Variants in FBXO28 observed in about 807,000 individuals in gnomAD.
FBXO28 encodes the protein F-box protein 28.
A neutral mutation model predicts 38.1 loss-of-function variants in FBXO28; 8 were observed. The observed-to-expected ratio is 0.21, with a 90% CI of 0.12 to 0.38. The LOEUF (loss-of-function observed/expected upper bound fraction) is 0.38, where lower values mean the gene tolerates loss of function less well. Among genes scored for constraint, FBXO28 ranks in the 10% least tolerant of loss-of-function variants. The pLI is 1.00. For missense variants in FBXO28, 345 were observed against 460.6 expected, an observed-to-expected ratio of 0.75 and a Z score of 2.30; for synonymous variants, 168 against 173.8, an observed-to-expected ratio of 0.97 and a Z score of 0.26.
At chr1:224,127,573 A>G (rs1246153553) in intron 1 of FBXO28, among the ~76,000 whole-genome samples, 1 of 152,156 alleles carries the variant, frequency 6.6e-6, no homozygotes, top group Non-Finnish European at 1.5e-5. Flanking sequence ...ACAAATACTG[A>G]TAACTGGTTT....
At chr1:224,152,925 C>CAAAAAAAAAAAAAAAAAAAAAAAAAAA (rs57616453) in intron 3 of FBXO28, among the ~76,000 whole-genome samples, 1 of 64,890 alleles carries the variant, frequency 1.5e-5, no homozygotes, top group African/African-American at 6.5e-5. Context: ...AACTCTGTCT[C>CAAAAAAAAAAAAAAAAAAAAAAAAAAA]AAAAAAAAAA....
chr1:224,144,705 C>T (rs964056032), intron 3 of FBXO28, among the ~76,000 whole-genome samples: 3 of 147,946 alleles, frequency 2.0e-5, no homozygotes, highest in South Asian at 2.2e-4. Context: ...TGCAGTGAGC[C>T]GAGATCGTGC....
intron 3 of FBXO28, among the ~76,000 whole-genome samples, chr1:224,151,593 TC>T (rs1397374721): frequency 6.6e-6 from 1 of 152,172 alleles, no homozygotes; most frequent in Middle Eastern, 3.2e-3. Context: ...ATAAGATTGA[TC>T]CAGAGTTGGG....
chr1:224,145,537 A>ATT (rs1657480481), intron 3 of FBXO28, among the ~76,000 whole-genome samples: 1 of 152,166 alleles, frequency 6.6e-6, no homozygotes, highest in Non-Finnish European at 1.5e-5. Context: ...CAACTCCATT[A>ATT]TAATCTTACA....
chr1:224,146,890 T>C (rs578209603), intron 3 of FBXO28, among the ~76,000 whole-genome samples: 1 of 151,194 alleles, frequency 6.6e-6, no homozygotes, highest in East Asian at 2.0e-4. Flanking sequence ...GTATTTTTAG[T>C]AGAGACAGGG....
chr1:224,149,444 G>T (rs1320954760), intron 3 of FBXO28, among the ~76,000 whole-genome samples: 1 of 151,878 alleles, frequency 6.6e-6, no homozygotes, highest in African/African-American at 2.4e-5. Flanking sequence ...TCCCACCTCG[G>T]CCTCCCAAAG....
In FBXO28 at chr1:224,114,270, G is replaced by C; in HGVS notation, c.141G>C (p.Ala47=). ...AGCACCCGCAGCCGGGGTCCCAGGCGCTCCCAGCCCCCGCGCTGGCTCCGG... is the reference window on the plus strand; with the variant it reads ...AGCACCCGCAGCCGGGGTCCCAGGCCCTCCCAGCCCCCGCGCTGGCTCCGG... ...APQHPQPGSQ[A]LPAPALAPDQ... The change falls in exon 1 of 5, where the codon GCG becomes GCC. Residue 47 remains alanine, a synonymous_variant. Coordinates refer to ENST00000366862, the MANE Select transcript of FBXO28 (RefSeq NM_015176.4). 1 of 1,556,278 alleles carries C rather than the reference G, an allele frequency of 6.4e-7. No individual in the cohort carries two copies. Among genetic ancestry groups the C allele is most frequent in the Non-Finnish European group, 8.7e-7 (1 of 1,150,122 alleles).
intron 4 of FBXO28, among the ~76,000 whole-genome samples, chr1:224,157,099 C>T (rs900230673): frequency 6.6e-6 from 1 of 151,962 alleles, no homozygotes; most frequent in Non-Finnish European, 1.5e-5. Flanking sequence ...AAGTTTATGC[C>T]ATTAAATGCC....
chr1:224,130,431 T>A, intron 1 of FBXO28, 41 bp from the exon 2 acceptor site: 2 of 1,299,908 alleles, frequency 1.5e-6, no homozygotes. Flanking sequence ...TTGTCTCTTA[T>A]TAATTTGGTT....
At chr1:224,133,423 A>G (rs1212122463) in intron 2 of FBXO28, among the ~76,000 whole-genome samples, 1 of 152,214 alleles carries the variant, frequency 6.6e-6, no homozygotes, top group African/African-American at 2.4e-5. Flanking sequence ...TCAAAAGCAT[A>G]TCATCTCCTG....
chr1:224,137,257 G>C (rs1468231954), intron 3 of FBXO28, among the ~76,000 whole-genome samples: 1 of 151,574 alleles, frequency 6.6e-6, no homozygotes, highest in Admixed American at 6.6e-5. Flanking sequence ...GGGCACGGTG[G>C]CTCACGCCTG....
In FBXO28 at chr1:224,130,376, A is replaced by G. The variant is rs373759176; in HGVS notation, c.268-96A>G. ...GATATATACAGCAAACTGAGGAATA[A>G]TAGTGGGATACAGAGAGCTTTAAGC... On this transcript the variant is annotated intron_variant, in intron 1 of 4. Coordinates refer to ENST00000366862, the MANE Select transcript of FBXO28 (RefSeq NM_015176.4). 260 of 766,528 alleles carry G rather than the reference A, an allele frequency of 3.4e-4. 1 individual carries two copies. In the African/African-American group the frequency reaches 4.1e-3, roughly 12 times the overall value. 47.5% of individuals were successfully genotyped at this position (766,528 alleles called of 1,614,324 possible).
In FBXO28 at chr1:224,157,793, T is replaced by G. The variant is rs1180436751; in HGVS notation, c.*47T>G. The G allele has an allele frequency of 1.9e-6, 3 of 1,545,590 alleles. No homozygotes were observed. Among genetic ancestry groups the G allele is most frequent in the Non-Finnish European group, 2.6e-6 (3 of 1,151,350 alleles). On this transcript the variant is annotated 3_prime_UTR_variant, in exon 5 of 5. Coordinates refer to ENST00000366862, the MANE Select transcript of FBXO28 (RefSeq NM_015176.4). ...CAGAGGAAGACACAGCTTAGTAGCT[T>G]AAGCAGTTATGCATATCAGGATACT...
At position 224,127,049 on chromosome 1, in the gene FBXO28, G is replaced by T. The variant is rs1379975094; in HGVS notation, c.268-3423G>T. On this transcript the variant is annotated intron_variant, in intron 1 of 4. Coordinates refer to ENST00000366862, the MANE Select transcript of FBXO28 (RefSeq NM_015176.4). ...TTTTCCCCACATGAAGTTCAGTACT[G>T]GTGTTTGTGGTCATGTGATTATTCA... is the stretch of plus-strand genomic sequence containing the variant. Among the ~76,000 whole-genome samples, 6 of 151,730 alleles carry T rather than the reference G, an allele frequency of 4.0e-5. No homozygotes were observed. The East Asian group carries it at 1.2e-3, about 29-fold the overall frequency.
intron 1 of FBXO28, among the ~76,000 whole-genome samples, chr1:224,120,353 A>T (rs1656743512): frequency 6.6e-6 from 1 of 152,192 alleles, no homozygotes. Flanking sequence ...TTTGGCATAT[A>T]CCTCATTCTA....
At chr1:224,137,696 G>A (rs1657229385) in intron 3 of FBXO28, among the ~76,000 whole-genome samples, 1 of 151,830 alleles carries the variant, frequency 6.6e-6, no homozygotes, top group African/African-American at 2.4e-5. Flanking sequence ...AAAGCCAAGA[G>A]GAACTCCTTG....
intron 3 of FBXO28, among the ~76,000 whole-genome samples, chr1:224,147,087 T>A (rs1657526269): frequency 6.6e-6 from 1 of 151,814 alleles, no homozygotes; most frequent in Non-Finnish European, 1.5e-5. Flanking sequence ...GGATAGAAAA[T>A]ATTTAGTGAG....
chr1:224,136,868 C>T (rs192470714), intron 3 of FBXO28, among the ~76,000 whole-genome samples: 5 of 151,602 alleles, frequency 3.3e-5, no homozygotes, highest in African/African-American at 7.3e-5. Flanking sequence ...TCTCATGCCT[C>T]AGCCTCCCAA....
intron 2 of FBXO28, among the ~76,000 whole-genome samples, chr1:224,132,980 G>A (rs1196919212): frequency 6.6e-6 from 1 of 152,086 alleles, no homozygotes; most frequent in African/African-American, 2.4e-5. Flanking sequence ...GCCAAAAAGT[G>A]GAGACAATCC....
Sources: gnomAD v4.1 joint callset for allele counts (sites outside exome capture counted in the v4.1 genomes callset) on GRCh38, gnomAD v4.1.1 for gene constraint, MANE v1.5 for transcripts, NCBI Gene and HGNC (gene_info 2026-07-23, HGNC 2026-07-21) for gene names.